Variants in CD38 observed in about 807,000 individuals in gnomAD.
CD38 encodes ADP-ribosyl cyclase/cyclic ADP-ribose hydrolase 1.
Under a neutral mutation model 36.3 loss-of-function variants are expected in CD38, and 31 were observed. The observed-to-expected ratio is 0.85, with a 90% confidence interval of 0.64 to 1.15. The LOEUF is 1.15. Among genes scored for constraint, CD38 ranks in the 50% most tolerant of loss-of-function variants. The probability of loss-of-function intolerance (pLI) is 0.00; values close to 1 mark genes in which losing one functional copy is unlikely to be tolerated. For missense variants in CD38, 380 were observed against 371.9 expected (o/e 1.02, Z -0.18); for synonymous variants, 131 against 135.2 (o/e 0.97, Z 0.22).
rs546565552 is a variant in CD38, at chr4:15,783,256, G to A, written c.233+4609G>A. On this transcript the variant is annotated intron_variant, in intron 1 of 7. Transcript: ENST00000226279. ...CAGGACGGACCCAGGTGATGTCAGG[G>A]GTGGGGTGGGGCCTGCAGGAGGGAA... is the stretch of plus-strand genomic sequence containing the variant. Among the ~76,000 whole-genome samples, 70 of 152,318 alleles carry A rather than the reference G, an allele frequency of 4.6e-4. No homozygotes were observed. The South Asian group carries it at 0.014, about 32-fold the overall frequency.
intron 1 of CD38, among the ~76,000 whole-genome samples, chr4:15,787,095 C>T (rs1349465747): frequency 6.6e-6 from 1 of 152,234 alleles, no homozygotes; most frequent in Non-Finnish European, 1.5e-5. Context: ...TCTCTCTACA[C>T]CTCCGCTCAA....
chr4:15,837,293 A>G (rs1724087314), intron 4 of CD38, among the ~76,000 whole-genome samples: 2 of 151,974 alleles, frequency 1.3e-5, no homozygotes, highest in Admixed American at 1.3e-4. Context: ...ATGTGGATGG[A>G]CTTCTTTTTT....
In CD38 at chr4:15,778,725, G is replaced by A; in HGVS notation, c.233+78G>A. On this transcript the variant is annotated intron_variant, in intron 1 of 7. Coordinates refer to ENST00000226279, the MANE Select transcript of CD38 (RefSeq NM_001775.4). This position sits in a 1 kb window ranked among gnomAD's most constrained non-coding sequence, Gnocchi z 4.9. The stretch of plus-strand genomic sequence containing the variant: ...CGCGCGCAGGGAAGCCGCCCGGATC[G>A]CCCGGAACCGGGCATCTTCCGTGGC... The A allele has an allele frequency of 2.9e-6, 3 of 1,035,444 alleles. No homozygotes were observed. The highest frequency in any genetic ancestry group is 1.4e-5 in the South Asian group (1 of 70,862). The allele number at this position is 1,035,444 out of a possible 1,614,324, so 64.1% of individuals were successfully genotyped here.
At chr4:15,822,337 G>C (rs1429671790) in intron 2 of CD38, among the ~76,000 whole-genome samples, 5 of 152,124 alleles carry the variant, frequency 3.3e-5, no homozygotes, top group African/African-American at 1.2e-4. Context: ...TGGATGTTCT[G>C]ACCGGGACAA....
In CD38 at chr4:15,778,420, C is replaced by T. The variant is rs1277304802; in HGVS notation, c.6C>T (p.Ala2=). 1 of 1,613,288 alleles carries T rather than the reference C, an allele frequency of 6.2e-7. No homozygotes were observed. The highest frequency in any genetic ancestry group is 1.3e-5 in the African/African-American group (1 of 74,924). ...CCAACCCCGCCTGGAGCCCTATGGC[C>T]AACTGCGAGTTCAGCCCGGTGTCCG... M[A]NCEFSPVSGD... is the part of the protein sequence containing the mutation. Residue 2 remains alanine, a synonymous_variant, in exon 1 of 8, where the codon GCC becomes GCT. Coordinates refer to ENST00000226279, the MANE Select transcript of CD38 (RefSeq NM_001775.4). The surrounding 1 kb of genome is among the most constrained non-coding windows in gnomAD (Gnocchi z 4.9).
At chr4:15,785,541 T>TTC (rs769415919) in intron 1 of CD38, among the ~76,000 whole-genome samples, 1 of 148,798 alleles carries the variant, frequency 6.7e-6, no homozygotes, top group Non-Finnish European at 1.5e-5. Flanking sequence ...TTCCTTTTCT[T>TTC]TTTTTTTTTA....
intron 5 of CD38, among the ~76,000 whole-genome samples, chr4:15,839,623 T>C (rs1161784837): frequency 6.6e-6 from 1 of 151,398 alleles, no homozygotes; most frequent in African/African-American, 2.4e-5. Context: ...CGGGGTTTCA[T>C]AGTGTTAGCC....
intron 1 of CD38, among the ~76,000 whole-genome samples, chr4:15,779,183 T>TA (rs917639392): frequency 6.6e-5 from 10 of 152,290 alleles, no homozygotes; most frequent in African/African-American, 2.2e-4. Context: ...CCACGGAACT[T>TA]AGTTTTATTC....
intron 3 of CD38, among the ~76,000 whole-genome samples, chr4:15,833,551 T>A (rs1353378121): frequency 1.3e-5 from 2 of 152,256 alleles, no homozygotes; most frequent in African/African-American, 4.8e-5. Flanking sequence ...AAGCATTTAA[T>A]CATTACAAGA....
chr4:15,825,186 C>A, intron 3 of CD38, 170 bp downstream of exon 3: 2 of 589,296 alleles, frequency 3.4e-6, no homozygotes, highest in Non-Finnish European at 5.8e-6. Flanking sequence ...ATACCTGAGG[C>A]TGCGTAATTT....
intron 1 of CD38, among the ~76,000 whole-genome samples, chr4:15,808,860 T>C (rs748279444): frequency 6.6e-6 from 1 of 152,186 alleles, no homozygotes; most frequent in Non-Finnish European, 1.5e-5. Context: ...AAGCTTTTCT[T>C]TCTCTAAAAA....
Position 15,778,377 on chromosome 4 carries a change from G to C in CD38, c.-38G>C. 7.1e-7 allele frequency: 1 copy of C among 1,399,116 alleles called. No individual in the cohort carries two copies. Among genetic ancestry groups the C allele is most frequent in the Non-Finnish European group, 1.0e-6 (1 of 986,428 alleles). 86.7% of individuals were successfully genotyped at this position (1,399,116 alleles called of 1,614,324 possible). The stretch of plus-strand genomic sequence containing the variant: ...CTCTCTTGCTGCCTAGCCTCCTGCC[G>C]GCCTCATCTTCGCCCAGCCAACCCC... On this transcript the variant is annotated 5_prime_UTR_variant, in exon 1 of 8. Transcript: ENST00000226279. This position sits in a 1 kb window ranked among gnomAD's most constrained non-coding sequence, Gnocchi z 4.9.
Position 15,852,859 on chromosome 4 carries a change from G to C in CD38, c.*4257G>C, listed in dbSNP as rs1724420904. On this transcript the variant is annotated 3_prime_UTR_variant, in exon 8 of 8. Coordinates refer to ENST00000226279, the MANE Select transcript of CD38 (RefSeq NM_001775.4). Reference sequence around the variant, plus strand: ...CGGAGTCTCGCTGTCGCCCAGGCTAGAGTGCAGTGGCGCGATCTCGGCTCA... The same window carrying C: ...CGGAGTCTCGCTGTCGCCCAGGCTACAGTGCAGTGGCGCGATCTCGGCTCA... The C allele has an allele frequency of 6.9e-6, 1 of 145,000 alleles. No homozygotes were observed. The highest frequency in any genetic ancestry group is 7.1e-5 in the Admixed American group (1 of 14,052). 9.0% of individuals were successfully genotyped at this position (145,000 alleles called of 1,614,324 possible).
chr4:15,785,377 A>T (rs1289193311), intron 1 of CD38, among the ~76,000 whole-genome samples: 1 of 152,108 alleles, frequency 6.6e-6, no homozygotes, highest in African/African-American at 2.4e-5. Context: ...AGGGAGAAGA[A>T]GATACCTATT....
chr4:15,840,657 G>A, intron 7 of CD38, 119 bp downstream of exon 7: 1 of 621,930 alleles, frequency 1.6e-6, no homozygotes, highest in South Asian at 2.0e-5. Context: ...CCTTGATGAT[G>A]ATCACAGATG....
intron 1 of CD38, among the ~76,000 whole-genome samples, chr4:15,779,509 A>G (rs571194822): frequency 7.5e-4 from 115 of 152,320 alleles, no homozygotes; most frequent in African/African-American, 2.6e-3. Context: ...GAAGGCAGGC[A>G]GGGGGAGCTG....
intron 3 of CD38, among the ~76,000 whole-genome samples, chr4:15,826,467 A>G (rs369261972): frequency 0.14 from 20,901 of 150,736 alleles, 1,443 homozygotes; most frequent in Middle Eastern, 0.18. Context: ...GCGCACACAC[A>G]CACACACACA....
chr4:15,809,533 G>C (rs1199458892), intron 1 of CD38, among the ~76,000 whole-genome samples: 3 of 152,134 alleles, frequency 2.0e-5, no homozygotes, highest in African/African-American at 7.2e-5. Flanking sequence ...TTCTCACTTG[G>C]TGGGTCTGAA....
At chr4:15,838,011 G>C (rs1442488431) in intron 4 of CD38, 81 bp from the exon 5 acceptor site, 1 of 1,112,304 alleles carries the variant, frequency 9.0e-7, no homozygotes, top group African/African-American at 1.5e-5. Context: ...ACCAGCTATT[G>C]CTAAGTATTG....
Sources: gnomAD v4.1 joint callset for allele counts (sites outside exome capture counted in the v4.1 genomes callset) on GRCh38, gnomAD v4.1.1 for gene constraint, Gnocchi (gnomAD v3.1) non-coding constraint, MANE v1.5 for transcripts, NCBI Gene and HGNC (gene_info 2026-07-23, HGNC 2026-07-21) for gene names.